TBX4: variants seen among roughly 807,000 people sequenced by gnomAD.
The protein encoded by TBX4 is T-box transcription factor 4.
A neutral mutation model predicts 54.6 loss-of-function variants in TBX4; 13 were observed. The observed-to-expected ratio is 0.24, with a 90% CI of 0.15 to 0.38. The LOEUF is 0.38. Among genes scored for constraint, TBX4 ranks in the 10% least tolerant of loss-of-function variants. The pLI, the probability that TBX4 is intolerant of heterozygous loss-of-function variation, is 1.00. For missense variants in TBX4, 631 were observed against 728.5 expected (o/e 0.87, Z 1.54); for synonymous variants, 314 against 306.7 (o/e 1.02, Z -0.25).
chr17:61,457,407 G>A lies in TBX4; in HGVS notation c.187-130G>A. ...ATAGTTCAAAATCGTTCTGTGAAACGAAATCTGGAGCCATGGGCTCCGGGC... is the reference window on the plus strand; with the variant it reads ...ATAGTTCAAAATCGTTCTGTGAAACAAAATCTGGAGCCATGGGCTCCGGGC... On this transcript the variant is annotated intron_variant, in intron 2 of 8. Coordinates refer to ENST00000644296, the MANE Select transcript of TBX4 (RefSeq NM_001321120.2). This position sits in a 1 kb window ranked among gnomAD's most constrained non-coding sequence, Gnocchi z 8.2. The A allele has an allele frequency of 1.3e-6, 1 of 770,490 alleles. No homozygotes were observed. Among genetic ancestry groups the A allele is most frequent in the Non-Finnish European group, 2.2e-6 (1 of 445,012 alleles). 47.7% of individuals were successfully genotyped at this position (770,490 alleles called of 1,614,324 possible).
chr17:61,466,020 T>C (rs1204001601), intron 4 of TBX4, 82 bp downstream of exon 4: 2 of 1,596,618 alleles, frequency 1.3e-6, no homozygotes, highest in Non-Finnish European at 1.7e-6. Flanking sequence ...GTCCGGGGGA[T>C]TTCTTAGCTA....
chr17:61,483,104 A>G lies in TBX4; in HGVS notation c.1229A>G (p.Asp410Gly). 1.2e-6 allele frequency: 2 copies of G among 1,614,014 alleles called. No individual in the cohort carries two copies. The highest frequency in any genetic ancestry group is 1.7e-6 in the Non-Finnish European group (2 of 1,180,016). The change falls in exon 9 of 9, where the codon GAC (aspartate) becomes GGC (glycine). Residue 410 changes from aspartate (D) to glycine (G), a missense_variant. Physicochemically the swap from Asp to Gly is moderately conservative, Grantham distance 94. Transcript: ENST00000644296. The surrounding 1 kb of genome is among the most constrained non-coding windows in gnomAD (Gnocchi z 6.6). ...ATTGCCGGGGTGTCTGGGGTGGACG[A>G]CCTGCCCCCACCTCCGCTGAGCTGT... ...PEIAGVSGVDDLPPPPLSCNM... is the reference protein window; with the variant it reads ...PEIAGVSGVDGLPPPPLSCNM...
Position 61,464,831 on chromosome 17 carries a change from C to G in TBX4, c.282-988C>G, listed in dbSNP as rs1289196121. Among the ~76,000 whole-genome samples, 5 of 152,096 alleles carry G rather than the reference C, an allele frequency of 3.3e-5. No homozygotes were observed. Among genetic ancestry groups the G allele is most frequent in the African/African-American group, 7.2e-5 (3 of 41,396 alleles). On this transcript the variant is annotated intron_variant, in intron 3 of 8. Transcript: ENST00000644296. This position sits in a 1 kb window ranked among gnomAD's most constrained non-coding sequence, Gnocchi z 5.8. The stretch of plus-strand genomic sequence containing the variant: ...CGGAAGCCCCCTCTAGAATGTGCCT[C>G]GAACCTCAGGGCCCTTGACAGCCTC...
At chr17:61,463,672 C>T (rs1272562379) in intron 3 of TBX4, among the ~76,000 whole-genome samples, 1 of 152,246 alleles carries the variant, frequency 6.6e-6, no homozygotes, top group East Asian at 1.9e-4. Flanking sequence ...CCTATGTGGA[C>T]ACTGGCCCTG....
In TBX4 at chr17:61,482,914, CTGGACTTACCT is replaced by C. The variant is rs1357251274; in HGVS notation, c.1042_1052del (p.Asp348GlnfsTer35). On this transcript the variant is annotated frameshift_variant, in exon 9 of 9. Coordinates refer to ENST00000644296, the MANE Select transcript of TBX4 (RefSeq NM_001321120.2). LOFTEE classifies it high-confidence loss of function. ...TCTTTCAGCAGACGGTACCCGCCACCTGGACTTACCTTGCAAGCGATCCTATCTGGAAGCCC... is the reference window on the plus strand; with the variant it reads ...TCTTTCAGCAGACGGTACCCGCCACCTGCAAGCGATCCTATCTGGAAGCCC... 6.2e-7 allele frequency: 1 copy of C among 1,613,846 alleles called. No homozygotes were observed. The highest frequency in any genetic ancestry group is 1.7e-5 in the Admixed American group (1 of 60,000).
At position 61,480,019 on chromosome 17, in the gene TBX4, G is replaced by C. The variant is rs576872492; in HGVS notation, c.791+50G>C. 2.5e-6 allele frequency: 4 copies of C among 1,612,014 alleles called. No individual in the cohort carries two copies. The Admixed American group carries it at 6.7e-5, about 27-fold the overall frequency. On this transcript the variant is annotated intron_variant, in intron 7 of 8. Coordinates refer to ENST00000644296, the MANE Select transcript of TBX4 (RefSeq NM_001321120.2). This position sits in a 1 kb window ranked among gnomAD's most constrained non-coding sequence, Gnocchi z 6.2. ...GGGCGGGCAGATGGGATTCAGGCAC[G>C]TGGCCTCTGTGACCCTCGATGTATC...
At chr17:61,471,892 ATTTTTTTTTTTTTTTTTTT>A (rs35198276) in intron 5 of TBX4, among the ~76,000 whole-genome samples, 1 of 72,928 alleles carries the variant, frequency 1.4e-5, no homozygotes, top group Non-Finnish European at 2.7e-5. Flanking sequence ...TGCCCAGCTA[ATTTTTTTTTTTTTTTTTTT>A]TTTTTTTTTT....
Position 61,464,330 on chromosome 17 carries a change from C to T in TBX4, c.282-1489C>T, listed in dbSNP as rs912866440. On this transcript the variant is annotated intron_variant, in intron 3 of 8. Transcript: ENST00000644296. This position sits in a 1 kb window ranked among gnomAD's most constrained non-coding sequence, Gnocchi z 5.8. ...GCTGGCAAGGAAGTGAACCCTCCAC[C>T]TCGGTCGGGGTCCTCGCCTGGGCTT... The T allele has an allele frequency of 4.6e-5, 7 of 152,334 alleles. No individual in the cohort carries two copies. Among genetic ancestry groups the T allele is most frequent in the African/African-American group, 1.7e-4 (7 of 41,458 alleles). 9.4% of individuals were successfully genotyped at this position (152,334 alleles called of 1,614,324 possible).
In TBX4 at chr17:61,483,650, GTGTA is replaced by G. The variant is rs886053189; in HGVS notation, c.*136_*139del. ...TGTGTGTGTGTGTGTGTGTGTGTGTGTGTATACACGAGCATGTATGTATTTGGAG... is the reference window on the plus strand; with the variant it reads ...TGTGTGTGTGTGTGTGTGTGTGTGTGTACACGAGCATGTATGTATTTGGAG... On this transcript the variant is annotated 3_prime_UTR_variant, in exon 9 of 9. Coordinates refer to ENST00000644296, the MANE Select transcript of TBX4 (RefSeq NM_001321120.2). The surrounding 1 kb of genome is among the most constrained non-coding windows in gnomAD (Gnocchi z 6.6). 1,773 of 1,115,674 alleles carry G rather than the reference GTGTA, an allele frequency of 1.6e-3. 4 individuals carry two copies. The highest frequency in any genetic ancestry group is 2.1e-3 in the East Asian group (83 of 39,874). 69.1% of individuals were successfully genotyped at this position (1,115,674 alleles called of 1,614,324 possible).
intron 4 of TBX4, among the ~76,000 whole-genome samples, chr17:61,466,576 G>A (rs2060538749): frequency 6.6e-6 from 1 of 152,194 alleles, no homozygotes; most frequent in Non-Finnish European, 1.5e-5. Flanking sequence ...CTGGGAGCTC[G>A]GAACAGCGCT....
chr17:61,462,354 C>T lies in TBX4; in HGVS notation c.282-3465C>T, dbSNP rs2060500704. Among the ~76,000 whole-genome samples, 1 of 141,842 alleles carries T rather than the reference C, an allele frequency of 7.1e-6. No individual in the cohort carries two copies. Among genetic ancestry groups the T allele is most frequent in the Admixed American group, 6.9e-5 (1 of 14,448 alleles). The allele number at this position is 141,842 out of a possible 152,430, so 93.1% of individuals were successfully genotyped here. On this transcript the variant is annotated intron_variant, in intron 3 of 8. Transcript: ENST00000644296. This position sits in a 1 kb window ranked among gnomAD's most constrained non-coding sequence, Gnocchi z 4.5. ...GTTTCCGCGTGTGCCGTGGGGAGGGCGGGGGAGCCCCCATCTGTCTGGGGG... is the reference window on the plus strand; with the variant it reads ...GTTTCCGCGTGTGCCGTGGGGAGGGTGGGGGAGCCCCCATCTGTCTGGGGG...
chr17:61,482,793 G>A, intron 8 of TBX4, 104 bp from the exon 9 acceptor site: 1 of 1,528,718 alleles, frequency 6.5e-7, no homozygotes, highest in South Asian at 1.2e-5. Flanking sequence ...CATGGGGAGG[G>A]CGGGCGCAGA....
rs755032832 is a variant in TBX4 at position 61,476,076 on chromosome 17, C to T, written c.550-2551C>T. On this transcript the variant is annotated intron_variant, in intron 5 of 8. Transcript: ENST00000644296. The surrounding 1 kb of genome is among the most constrained non-coding windows in gnomAD (Gnocchi z 6.5). ...AAACCCGACCTTGCACTCACTAGAT[C>T]CTGTCTGGGGGCAAAGGAGCCTGGA... Among the ~76,000 whole-genome samples, 1 of 152,174 alleles carries T rather than the reference C, an allele frequency of 6.6e-6. No individual in the cohort carries two copies. Among genetic ancestry groups the T allele is most frequent in the African/African-American group, 2.4e-5 (1 of 41,436 alleles).
chr17:61,454,278 GA>G (rs1205789374), intron 1 of TBX4, among the ~76,000 whole-genome samples: 1 of 152,242 alleles, frequency 6.6e-6, no homozygotes, highest in Non-Finnish European at 1.5e-5. Flanking sequence ...CCTAGTGCAA[GA>G]AACATATCCC....
Position 61,465,851 on chromosome 17 carries a change from C to T in TBX4, c.314C>T (p.Thr105Ile). The part of the protein sequence containing the change: ...RMFPSYKVKV[T>I]GMNPKTKYIL... ...TTCCCCAGCTACAAGGTAAAAGTCA[C>T]AGGCATGAACCCCAAGACCAAGTAT... Residue 105 changes from threonine to isoleucine, a missense_variant, in exon 4 of 9, where the codon ACA becomes ATA. Thr to Ile is a moderately conservative substitution (Grantham distance 89). Transcript: ENST00000644296. This position sits in a 1 kb window ranked among gnomAD's most constrained non-coding sequence, Gnocchi z 4.9. The T allele has an allele frequency of 6.2e-7, 1 of 1,614,160 alleles. No homozygotes were observed. The highest frequency in any genetic ancestry group is 8.5e-7 in the Non-Finnish European group (1 of 1,180,012).
At chr17:61,454,366 A>T (rs1174317691) in intron 1 of TBX4, among the ~76,000 whole-genome samples, 1 of 152,272 alleles carries the variant, frequency 6.6e-6, no homozygotes, top group Non-Finnish European at 1.5e-5. Context: ...ACCCCATCGC[A>T]AAGGCAGCGG....
intron 5 of TBX4, among the ~76,000 whole-genome samples, chr17:61,473,752 A>C (rs1434371945): frequency 2.0e-5 from 3 of 152,252 alleles, no homozygotes; most frequent in African/African-American, 7.2e-5. Context: ...AATAAGGGCA[A>C]TAATAATTAA....
rs2060524902 is a variant in TBX4, at chr17:61,465,052, G to T, written c.282-767G>T. 6.6e-6 allele frequency among the ~76,000 whole-genome samples: 1 copy of T among 152,168 alleles called. No homozygotes were observed. Among genetic ancestry groups the T allele is most frequent in the Admixed American group, 6.5e-5 (1 of 15,288 alleles). On this transcript the variant is annotated intron_variant, in intron 3 of 8. Coordinates refer to ENST00000644296, the MANE Select transcript of TBX4 (RefSeq NM_001321120.2). This position sits in a 1 kb window ranked among gnomAD's most constrained non-coding sequence, Gnocchi z 4.9. ...AGATAAGGAAACCAAGGCACAGAGA[G>T]GTTCAAGCAAGTTGCCTAAGGCTTA...
At position 61,480,390 on chromosome 17, in the gene TBX4, C is replaced by T; in HGVS notation, c.1021+71C>T. 1 of 1,177,752 alleles carries T rather than the reference C, an allele frequency of 8.5e-7. No homozygotes were observed. Among genetic ancestry groups the T allele is most frequent in the Non-Finnish European group, 1.2e-6 (1 of 827,680 alleles). 73.0% of individuals were successfully genotyped at this position (1,177,752 alleles called of 1,614,324 possible). A position where few individuals can be genotyped will look rare whatever the true frequency, so the allele number is the denominator to read the frequency against. On this transcript the variant is annotated intron_variant, in intron 8 of 8. Transcript: ENST00000644296. The surrounding 1 kb of genome is among the most constrained non-coding windows in gnomAD (Gnocchi z 6.2). ...TGAGGTTCTCCCCGAAACCACTCTG[C>T]AGCGCCCCCCCCCCCAACACACACA... is the stretch of plus-strand genomic sequence containing the variant.
Sources: allele counts gnomAD v4.1 joint callset (sites outside exome capture counted in the v4.1 genomes callset), GRCh38; gene constraint gnomAD v4.1.1; non-coding constraint Gnocchi (gnomAD v3.1); transcripts MANE v1.5; gene names NCBI Gene and HGNC (gene_info 2026-07-23, HGNC 2026-07-21).